ALDH1A3: variants seen among roughly 807,000 people sequenced by gnomAD.
The protein encoded by ALDH1A3 is retinaldehyde dehydrogenase 3.
In ALDH1A3, 28 loss-of-function variants were observed where a neutral mutation model predicts 57.5. That is an observed-to-expected ratio of 0.49 (90% CI 0.36 to 0.67). ALDH1A3 has a LOEUF of 0.67. Ranked by LOEUF, ALDH1A3 falls within the 30% of genes least tolerant of loss-of-function variation. ALDH1A3 has a pLI of 0.00. For synonymous variants in ALDH1A3, 281 were observed against 264.8 expected, an observed-to-expected ratio of 1.06 and a Z score of -0.59; for missense variants, 507 against 669.4, an observed-to-expected ratio of 0.76 and a Z score of 2.68.
At chr15:100,890,693 A>T (rs972038794) in intron 3 of ALDH1A3, among the ~76,000 whole-genome samples, 7 of 152,252 alleles carry the variant, frequency 4.6e-5, no homozygotes, top group African/African-American at 7.2e-5. Context: ...GACTGGAGGC[A>T]GAATCTTGGC....
At position 100,895,945 on chromosome 15, in the gene ALDH1A3, C is replaced by G; in HGVS notation, c.679C>G (p.Pro227Ala). The change falls in exon 7 of 13, where the codon CCA becomes GCA. Residue 227 changes from proline to alanine, a missense_variant. Around this residue, in one of 2 missense-constraint regions of ALDH1A3, gnomAD observed 432 missense variants for 608.4 expected, o/e 0.71. Coordinates refer to ENST00000329841, the MANE Select transcript of ALDH1A3 (RefSeq NM_000693.4). ...GATTTCTTCCCAGGCCGGGTTCCCTCCAGGAGTGGTGAACATTGTGCCAGG... is the reference window on the plus strand; with the variant it reads ...GATTTCTTCCCAGGCCGGGTTCCCTGCAGGAGTGGTGAACATTGTGCCAGG... ...GSLIKEAGFPPGVVNIVPGFG... is the reference protein window; with the variant it reads ...GSLIKEAGFPAGVVNIVPGFG... 1 of 1,612,974 alleles carries G rather than the reference C, an allele frequency of 6.2e-7. No homozygotes were observed. Among genetic ancestry groups the G allele is most frequent in the Non-Finnish European group, 8.5e-7 (1 of 1,179,492 alleles).
rs760946044 is a variant in ALDH1A3, at chr15:100,885,318, A to G, written c.151A>G (p.Thr51Ala). ...ATCCAAGAGTGGGAAAAAGTTTGCT[A>G]CATGTAACCCTTCAACTCGGGAGCA... ...HESKSGKKFA[T>A]CNPSTREQIC... Residue 51 changes from threonine (T) to alanine (A), a missense_variant, in exon 2 of 13, where the codon ACA becomes GCA. Physicochemically the swap from Thr to Ala is moderately conservative, Grantham distance 58. Coordinates refer to ENST00000329841, the MANE Select transcript of ALDH1A3 (RefSeq NM_000693.4). The G allele has an allele frequency of 6.2e-7, 1 of 1,614,110 alleles. No individual in the cohort carries two copies. The highest frequency in any genetic ancestry group is 1.1e-5 in the South Asian group (1 of 91,088).
In ALDH1A3 at chr15:100,906,525, C is replaced by T. The variant is rs1339894773; in HGVS notation, c.1234-596C>T. On this transcript the variant is annotated intron_variant, in intron 10 of 12. Coordinates refer to ENST00000329841, the MANE Select transcript of ALDH1A3 (RefSeq NM_000693.4). This position sits in a 1 kb window ranked among gnomAD's most constrained non-coding sequence, Gnocchi z 4.8. ...TTTGGCAGGCCAGGCACCATCCTGCCGGCTTATAATTATGTCTAATATTGA... is the reference window on the plus strand; with the variant it reads ...TTTGGCAGGCCAGGCACCATCCTGCTGGCTTATAATTATGTCTAATATTGA... Among the ~76,000 whole-genome samples, 1 of 152,218 alleles carries T rather than the reference C, an allele frequency of 6.6e-6. No individual in the cohort carries two copies. The highest frequency in any genetic ancestry group is 1.5e-5 in the Non-Finnish European group (1 of 68,040).
In ALDH1A3 at chr15:100,894,207, C is replaced by G. The variant is rs1359886925; in HGVS notation, c.666+125C>G. On this transcript the variant is annotated intron_variant, in intron 6 of 12. Transcript: ENST00000329841. The surrounding 1 kb of genome is among the most constrained non-coding windows in gnomAD (Gnocchi z 4.5). ...CAATCGAGTGGGAAGGGAATGACTT[C>G]CAGTGTTTTGTTTGGCGACTGCACG... 3 of 1,286,838 alleles carry G rather than the reference C, an allele frequency of 2.3e-6. No homozygotes were observed. The highest frequency in any genetic ancestry group is 2.8e-5 in the South Asian group (2 of 70,934). 79.7% of individuals were successfully genotyped at this position (1,286,838 alleles called of 1,614,324 possible).
chr15:100,902,438 T>A (rs1051920315), intron 9 of ALDH1A3, among the ~76,000 whole-genome samples: 1 of 152,258 alleles, frequency 6.6e-6, no homozygotes, highest in Non-Finnish European at 1.5e-5. Flanking sequence ...GACTTACAGC[T>A]GTCTAAATAG....
intron 3 of ALDH1A3, among the ~76,000 whole-genome samples, chr15:100,891,221 G>A (rs1331251607): frequency 6.6e-6 from 1 of 152,224 alleles, no homozygotes; most frequent in African/African-American, 2.4e-5. Flanking sequence ...GCCCTGTGAG[G>A]TAGGAACCGT....
At chr15:100,907,369 A>C (rs1237382712) in intron 11 of ALDH1A3, 91 bp downstream of exon 11, 4 of 1,459,290 alleles carry the variant, frequency 2.7e-6, no homozygotes, top group African/African-American at 2.8e-5. Flanking sequence ...CTCATTGTTT[A>C]CATTGTATAT....
At chr15:100,898,966 G>A (rs1326552020) in intron 8 of ALDH1A3, among the ~76,000 whole-genome samples, 3 of 152,204 alleles carry the variant, frequency 2.0e-5, no homozygotes, top group South Asian at 2.1e-4. Flanking sequence ...ACCTGTCCAC[G>A]GGTGCCAGAA....
At chr15:100,901,187 G>A (rs902625735) in intron 9 of ALDH1A3, among the ~76,000 whole-genome samples, 3 of 152,202 alleles carry the variant, frequency 2.0e-5, no homozygotes, top group East Asian at 1.9e-4. Context: ...GACGGAGAGA[G>A]CCTGGGGCAG....
rs1042644932 is a variant in ALDH1A3, at chr15:100,906,861, GACA to G, written c.1234-255_1234-253del. ...GGCTGGGTTTCTCGGAAACCCTGATGACAACAAGACATCTTAAACACAACATAT... is the reference window on the plus strand; with the variant it reads ...GGCTGGGTTTCTCGGAAACCCTGATGACAAGACATCTTAAACACAACATAT... On this transcript the variant is annotated intron_variant, in intron 10 of 12. Coordinates refer to ENST00000329841, the MANE Select transcript of ALDH1A3 (RefSeq NM_000693.4). This position sits in a 1 kb window ranked among gnomAD's most constrained non-coding sequence, Gnocchi z 4.8. 3.9e-5 allele frequency among the ~76,000 whole-genome samples: 6 copies of G among 152,326 alleles called. No homozygotes were observed. Among genetic ancestry groups the G allele is most frequent in the African/African-American group, 1.4e-4 (6 of 41,572 alleles).
chr15:100,899,672 C>T (rs2041746364), intron 8 of ALDH1A3, among the ~76,000 whole-genome samples: 1 of 152,156 alleles, frequency 6.6e-6, no homozygotes, highest in African/African-American at 2.4e-5. Context: ...TGGGACCTGG[C>T]CCAGCCAGCT....
At chr15:100,912,437 A>G (rs1315058739) in intron 12 of ALDH1A3, among the ~76,000 whole-genome samples, 1 of 152,168 alleles carries the variant, frequency 6.6e-6, no homozygotes, top group East Asian at 1.9e-4. Context: ...ATTAAGGAAA[A>G]TCACACTCTG....
At chr15:100,905,441 A>T in intron 9 of ALDH1A3, 82 bp from the exon 10 acceptor site, 5 of 1,547,134 alleles carry the variant, frequency 3.2e-6, no homozygotes, top group African/African-American at 1.4e-5. Context: ...ATGGCTGATC[A>T]TGTTGAAGGC....
chr15:100,895,749 G>A (rs998257694), intron 6 of ALDH1A3, 184 bp from the exon 7 acceptor site: 11 of 601,860 alleles, frequency 1.8e-5, no homozygotes, highest in Non-Finnish European at 3.3e-5. Context: ...TGGCAGCAGG[G>A]GATGAGAAGC....
chr15:100,885,816 G>A (rs544175479), intron 2 of ALDH1A3, among the ~76,000 whole-genome samples: 3 of 152,294 alleles, frequency 2.0e-5, no homozygotes, highest in East Asian at 1.9e-4. Context: ...TGCTACCCGG[G>A]TGATGCGGGG....
In ALDH1A3 at chr15:100,915,355, T is replaced by C. The variant is rs1398975385; in HGVS notation, c.*582T>C. ...CAGTGAGAAAGTTTTGGTTAGTGCA[T>C]ACCGTGGAAGGGCGCCAGGGTCTTT... On this transcript the variant is annotated 3_prime_UTR_variant, in exon 13 of 13. Transcript: ENST00000329841. 6.5e-6 allele frequency: 1 copy of C among 152,784 alleles called. No homozygotes were observed. The highest frequency in any genetic ancestry group is 2.4e-5 in the African/African-American group (1 of 41,468). The allele number at this position is 152,784 out of a possible 1,614,324, so 9.5% of individuals were successfully genotyped here. A position where few individuals can be genotyped will look rare whatever the true frequency, so the allele number is the denominator to read the frequency against.
chr15:100,883,765 A>G (rs961057497), intron 1 of ALDH1A3, among the ~76,000 whole-genome samples: 1 of 151,976 alleles, frequency 6.6e-6, no homozygotes, highest in African/African-American at 2.4e-5. Flanking sequence ...GGATCAACCC[A>G]TCACCCAGGT....
intron 1 of ALDH1A3, among the ~76,000 whole-genome samples, chr15:100,882,227 C>T (rs2041553943): frequency 6.6e-6 from 1 of 152,230 alleles, no homozygotes; most frequent in African/African-American, 2.4e-5. Flanking sequence ...GTCCAACTTT[C>T]AGGATGACTT....
chr15:100,884,024 A>T (rs1328647192), intron 1 of ALDH1A3, among the ~76,000 whole-genome samples: 1 of 152,238 alleles, frequency 6.6e-6, no homozygotes, highest in African/African-American at 2.4e-5. Flanking sequence ...GAACCTGATG[A>T]ACTAATTCTG....
Sources: allele counts gnomAD v4.1 joint callset (sites outside exome capture counted in the v4.1 genomes callset), GRCh38; gene constraint gnomAD v4.1.1; regional missense constraint gnomAD v4.1.1; non-coding constraint Gnocchi (gnomAD v3.1); transcripts MANE v1.5; gene names NCBI Gene and HGNC (gene_info 2026-07-23, HGNC 2026-07-21).